The following DOCK1 variants were observed in gnomAD, a reference collection of about 807,000 sequenced individuals.
The protein encoded by DOCK1 is dedicator of cytokinesis 1, also known as dedicator of cytokinesis protein 1.
In DOCK1, 138 loss-of-function variants were observed where a neutral mutation model predicts 262.7. The ratio of observed to expected loss-of-function variants is 0.53; its 90% CI spans 0.46 to 0.61. The LOEUF (loss-of-function observed/expected upper bound fraction) is 0.61, where lower values mean the gene tolerates loss of function less well. Among genes scored for constraint, DOCK1 ranks in the 20% least tolerant of loss-of-function variants. DOCK1 has a pLI of 0.00. For missense variants in DOCK1, 1,908 were observed against 2,370.7 expected, an observed-to-expected ratio of 0.80 and a Z score of 4.05; for synonymous variants, 866 against 867.4, an observed-to-expected ratio of 1.00 and a Z score of 0.03.
intron 27 of DOCK1, among the ~76,000 whole-genome samples, chr10:127,155,197 A>G (rs1185770907): frequency 6.6e-6 from 1 of 152,114 alleles, no homozygotes; most frequent in African/African-American, 2.4e-5. Context: ...TTGCTGTGTA[A>G]ACTTCTCTGC....
chr10:127,275,451 G>A (rs2060708210), intron 29 of DOCK1, among the ~76,000 whole-genome samples: 1 of 152,184 alleles, frequency 6.6e-6, no homozygotes, highest in South Asian at 2.1e-4. Context: ...AAGGAGGTAG[G>A]CACCCTGGCT....
At chr10:126,939,104 C>T (rs918836887) in intron 1 of DOCK1, among the ~76,000 whole-genome samples, 1 of 150,948 alleles carries the variant, frequency 6.6e-6, no homozygotes, top group African/African-American at 2.4e-5. Flanking sequence ...AGGGGATGAA[C>T]ACAGGAGGGG....
chr10:127,054,246 CTG>C (rs1322070212), intron 22 of DOCK1, among the ~76,000 whole-genome samples: 1 of 152,176 alleles, frequency 6.6e-6, no homozygotes. Context: ...AAGTTATTGA[CTG>C]TGTGTTGACC....
chr10:127,195,992 C>T (rs2057111281), intron 27 of DOCK1: 1 of 152,140 alleles, frequency 6.6e-6, no homozygotes. Context: ...CGGGGCTCCG[C>T]TTACCTTCCG....
chr10:126,940,564 C>T (rs1225204804), intron 1 of DOCK1, among the ~76,000 whole-genome samples: 7 of 152,140 alleles, frequency 4.6e-5, no homozygotes, highest in African/African-American at 1.4e-4. Context: ...CCACCATGCC[C>T]GGCTAATTTT....
intron 28 of DOCK1, among the ~76,000 whole-genome samples, chr10:127,249,307 C>A (rs11016928): frequency 0.29 from 44,246 of 151,264 alleles, 7,355 homozygotes; most frequent in South Asian, 0.54. Flanking sequence ...CAGCAATAAG[C>A]AAATTATGTA....
intron 23 of DOCK1, among the ~76,000 whole-genome samples, chr10:127,104,749 A>G (rs1363537664): frequency 6.6e-6 from 1 of 152,230 alleles, no homozygotes; most frequent in African/African-American, 2.4e-5. Flanking sequence ...AGCCAGAGTC[A>G]GATCACTTAA....
chr10:127,424,478 G>A (rs1462309314), intron 46 of DOCK1, among the ~76,000 whole-genome samples: 2 of 152,156 alleles, frequency 1.3e-5, no homozygotes, highest in Non-Finnish European at 2.9e-5. Context: ...AATGCTTTTA[G>A]TATCTAGGGT....
chr10:126,951,311 T>C (rs1353559046), intron 1 of DOCK1, among the ~76,000 whole-genome samples: 2 of 149,464 alleles, frequency 1.3e-5, no homozygotes, highest in Non-Finnish European at 3.0e-5. Flanking sequence ...AGTGGTAGTA[T>C]TGTTGGTAGT....
chr10:127,105,840 A>G (rs567674016), intron 23 of DOCK1, among the ~76,000 whole-genome samples: 4 of 152,084 alleles, frequency 2.6e-5, no homozygotes, highest in African/African-American at 4.8e-5. Flanking sequence ...GCTCACTGCA[A>G]CCTCTACTTC....
At chr10:126,971,365 A>G (rs2038097603) in intron 2 of DOCK1, among the ~76,000 whole-genome samples, 1 of 151,976 alleles carries the variant, frequency 6.6e-6, no homozygotes, top group African/African-American at 2.4e-5. Flanking sequence ...GTGTGTATAA[A>G]TCTTGATTGT....
chr10:127,280,034 A>ATATATATATATATATATATAT (rs1554939125), intron 29 of DOCK1, among the ~76,000 whole-genome samples: 8 of 91,472 alleles, frequency 8.7e-5, no homozygotes, highest in East Asian at 3.3e-4. Context: ...ATATATATAT[A>ATATATATATATATATATATAT]ATTTTTTTTT....
At chr10:127,133,617 G>A (rs1310634639) in intron 27 of DOCK1, among the ~76,000 whole-genome samples, 1 of 152,142 alleles carries the variant, frequency 6.6e-6, no homozygotes, top group Admixed American at 6.5e-5. Context: ...CTAGCTATGG[G>A]TTTACTGCAG....
Position 127,425,413 on chromosome 10 carries a change from A to AT in DOCK1, c.4777-458dup, listed in dbSNP as rs1196101831. Among the ~76,000 whole-genome samples, 10 of 152,340 alleles carry AT rather than the reference A, an allele frequency of 6.6e-5. No individual in the cohort carries two copies. The East Asian group carries it at 1.5e-3, about 24-fold the overall frequency. On this transcript the variant is annotated intron_variant, in intron 46 of 51. Coordinates refer to ENST00000623213, the MANE Select transcript of DOCK1 (RefSeq NM_001290223.2). ...TATTTTTAGTTTTAAAGAAGAATAA[A>AT]TTTGGTTTTCACTTCCAAAAAAGGA...
At chr10:127,162,040 T>C (rs1349246611) in intron 27 of DOCK1, among the ~76,000 whole-genome samples, 1 of 152,184 alleles carries the variant, frequency 6.6e-6, no homozygotes, top group African/African-American at 2.4e-5. Context: ...AGAGTTACTT[T>C]AATATAACCA....
At chr10:127,409,007 G>A (rs774065336) in intron 40 of DOCK1, 30 bp from the exon 41 acceptor site, 5 of 1,563,298 alleles carry the variant, frequency 3.2e-6, no homozygotes, top group Non-Finnish European at 4.3e-6. Context: ...TTTCTCTGTG[G>A]TGTTATGAAA....
intron 38 of DOCK1, among the ~76,000 whole-genome samples, chr10:127,387,332 C>T (rs1004930386): frequency 2.0e-5 from 3 of 152,192 alleles, no homozygotes; most frequent in African/African-American, 7.2e-5. Flanking sequence ...AGTCAGTTTT[C>T]CTTTTGCTGC....
chr10:127,364,356 G>T (rs563460339), intron 33 of DOCK1, among the ~76,000 whole-genome samples: 1 of 152,210 alleles, frequency 6.6e-6, no homozygotes, highest in East Asian at 1.9e-4. Flanking sequence ...GCTCCACTAG[G>T]CAGTTTTTTA....
intron 40 of DOCK1, among the ~76,000 whole-genome samples, chr10:127,406,813 C>T (rs1225620644): frequency 6.6e-6 from 1 of 152,154 alleles, no homozygotes; most frequent in Non-Finnish European, 1.5e-5. Context: ...ACCTATAACT[C>T]ACTAGCTTTT....
Sources: gnomAD v4.1 joint callset for allele counts (sites outside exome capture counted in the v4.1 genomes callset) on GRCh38, gnomAD v4.1.1 for gene constraint, MANE v1.5 for transcripts, NCBI Gene and HGNC (gene_info 2026-07-23, HGNC 2026-07-21) for gene names.